Variants in ADAMTS19 observed in about 807,000 individuals in gnomAD.
ADAMTS19 encodes the protein A disintegrin and metalloproteinase with thrombospondin motifs 19.
In ADAMTS19, 93 loss-of-function variants were observed where a neutral mutation model predicts 153.3. That is an observed-to-expected ratio of 0.61 (90% CI 0.51 to 0.72). ADAMTS19 has a LOEUF of 0.72. Among genes scored for constraint, ADAMTS19 ranks in the 30% least tolerant of loss-of-function variants. The pLI, the probability that ADAMTS19 is intolerant of heterozygous loss-of-function variation, is 0.00. For missense variants in ADAMTS19, 1,482 were observed against 1,552.1 expected (o/e 0.95, Z 0.76); for synonymous variants, 600 against 556.6 (o/e 1.08, Z -1.10).
chr5:129,525,143 G>C (rs1188940597), intron 3 of ADAMTS19, among the ~76,000 whole-genome samples: 1 of 152,046 alleles, frequency 6.6e-6, no homozygotes, highest in Non-Finnish European at 1.5e-5. Context: ...CATGCGATTT[G>C]TATGCATTTC....
At position 129,460,453 on chromosome 5, in the gene ADAMTS19, T is replaced by A. The variant is rs1350340728; in HGVS notation, c.62T>A (p.Leu21Gln). 1.9e-6 allele frequency: 3 copies of A among 1,613,982 alleles called. No homozygotes were observed. The highest frequency in any genetic ancestry group is 1.7e-5 in the Admixed American group (1 of 60,002). The change falls in exon 1 of 23, where the codon CTG becomes CAG. Residue 21 changes from leucine (L) to glutamine (Q), a missense_variant. Coordinates refer to ENST00000274487, the MANE Select transcript of ADAMTS19 (RefSeq NM_133638.6). ...TGCTGCTGCTGCCTCCTTTACCAGC[T>A]GGGGTTCCTGTCGAATGGGATCGTT... Reference protein sequence around the residue: ...HICCCCLLYQLGFLSNGIVSE... With the variant: ...HICCCCLLYQQGFLSNGIVSE...
In ADAMTS19 at chr5:129,653,339, A is replaced by G. The variant is rs189447532; in HGVS notation, c.2177-967A>G. ...AATTGCTCTGACGTTTCAGATTTGGATAATAGTATTACTAGTGTTACCAAA... is the reference window on the plus strand; with the variant it reads ...AATTGCTCTGACGTTTCAGATTTGGGTAATAGTATTACTAGTGTTACCAAA... On this transcript the variant is annotated intron_variant, in intron 13 of 22. Transcript: ENST00000274487. 7.0e-4 allele frequency among the ~76,000 whole-genome samples: 107 copies of G among 152,332 alleles called. 1 individual carries two copies. The highest frequency in any genetic ancestry group is 7.5e-4 in the Non-Finnish European group (51 of 68,028).
At chr5:129,487,755 A>G (rs148234460) in intron 2 of ADAMTS19, among the ~76,000 whole-genome samples, 1 of 152,194 alleles carries the variant, frequency 6.6e-6, no homozygotes, top group East Asian at 1.9e-4. Context: ...TTTTTTCTAT[A>G]CATAATTAGT....
intron 8 of ADAMTS19, among the ~76,000 whole-genome samples, chr5:129,604,637 T>C (rs888727139): frequency 6.6e-6 from 1 of 152,228 alleles, no homozygotes; most frequent in African/African-American, 2.4e-5. Context: ...AGTGAATGAC[T>C]GAACATAGTA....
At chr5:129,735,242 C>A in intron 22 of ADAMTS19, 133 bp downstream of exon 22, 2 of 904,202 alleles carry the variant, frequency 2.2e-6, no homozygotes, top group South Asian at 3.8e-5. Context: ...TAAATTGGAT[C>A]CATTTAAATA....
At chr5:129,543,969 G>T (rs530075997) in intron 6 of ADAMTS19, among the ~76,000 whole-genome samples, 51 of 150,660 alleles carry the variant, frequency 3.4e-4, no homozygotes, top group Middle Eastern at 3.4e-3. Flanking sequence ...GTATTGAAAA[G>T]ATATTATTTA....
chr5:129,639,427 G>C (rs1487671005), intron 10 of ADAMTS19, among the ~76,000 whole-genome samples: 1 of 152,156 alleles, frequency 6.6e-6, no homozygotes, highest in African/African-American at 2.4e-5. Context: ...TTTACCATAA[G>C]ATCCCTAGAC....
rs114989900 is a variant in ADAMTS19 at position 129,619,052 on chromosome 5, T to G, written c.1479-1566T>G. On this transcript the variant is annotated intron_variant, in intron 8 of 22. Transcript: ENST00000274487. ...AATCCTATGTTGTTTCCAGAAGAGATAGTACAAATGGGTGAGGTAGGGGAT... is the reference window on the plus strand; with the variant it reads ...AATCCTATGTTGTTTCCAGAAGAGAGAGTACAAATGGGTGAGGTAGGGGAT... 9.4e-3 allele frequency among the ~76,000 whole-genome samples: 1,432 copies of G among 152,098 alleles called. 9 individuals are homozygous for G. The highest frequency in any genetic ancestry group is 0.024 in the Middle Eastern group (7 of 294).
At chr5:129,658,351 A>AGAGAGAGAGAGAGAGAGAG (rs1554103337) in intron 14 of ADAMTS19, among the ~76,000 whole-genome samples, 6 of 133,140 alleles carry the variant, frequency 4.5e-5, no homozygotes, top group Admixed American at 7.3e-5. Flanking sequence ...GAAAGAAAGA[A>AGAGAGAGAGAGAGAGAGAG]AGAAAGAAAG....
At position 129,738,080 on chromosome 5, in the gene ADAMTS19, T is replaced by C. The variant is rs191360492; in HGVS notation, c.*862T>C. On this transcript the variant is annotated 3_prime_UTR_variant, in exon 23 of 23. Coordinates refer to ENST00000274487, the MANE Select transcript of ADAMTS19 (RefSeq NM_133638.6). ...TCTTTTTAGCAGATTTATTAAAGAG[T>C]ATAGTACTTAGCCTCACGAATCATA... The C allele has an allele frequency of 6.6e-6, 1 of 152,610 alleles. No homozygotes were observed. Among genetic ancestry groups the C allele is most frequent in the African/African-American group, 2.4e-5 (1 of 41,552 alleles). The allele number at this position is 152,610 out of a possible 1,614,324, so 9.5% of individuals were successfully genotyped here.
intron 21 of ADAMTS19, among the ~76,000 whole-genome samples, chr5:129,726,293 ACT>A (rs1444059495): frequency 3.3e-5 from 5 of 152,042 alleles, no homozygotes; most frequent in African/African-American, 1.2e-4. Flanking sequence ...ACAATACAAG[ACT>A]CTCTTTTTAA....
At chr5:129,554,013 T>C (rs1330027819) in intron 7 of ADAMTS19, among the ~76,000 whole-genome samples, 1 of 152,078 alleles carries the variant, frequency 6.6e-6, no homozygotes, top group Non-Finnish European at 1.5e-5. Flanking sequence ...AAAAGTAATA[T>C]AGTATAACCA....
At chr5:129,489,767 G>A (rs1410593678) in intron 2 of ADAMTS19, among the ~76,000 whole-genome samples, 1 of 152,040 alleles carries the variant, frequency 6.6e-6, no homozygotes, top group African/African-American at 2.4e-5. Flanking sequence ...TCAAATCCAA[G>A]CTCCTCAAGT....
intron 8 of ADAMTS19, among the ~76,000 whole-genome samples, chr5:129,612,220 G>A (rs746523186): frequency 6.1e-5 from 9 of 147,088 alleles, no homozygotes; most frequent in African/African-American, 1.8e-4. Context: ...GAGAACATAC[G>A]GTGTTTGGTT....
intron 11 of ADAMTS19, among the ~76,000 whole-genome samples, chr5:129,645,883 CA>C (rs1387863105): frequency 5.7e-5 from 7 of 123,890 alleles, no homozygotes; most frequent in African/African-American, 2.3e-4. Context: ...TCTCCTTTTC[CA>C]ATTTTTTTTT....
At chr5:129,522,565 T>C (rs1325155929) in intron 3 of ADAMTS19, among the ~76,000 whole-genome samples, 1 of 151,732 alleles carries the variant, frequency 6.6e-6, no homozygotes, top group African/African-American at 2.4e-5. Context: ...TTATACATGA[T>C]ATTTGAGTAA....
intron 20 of ADAMTS19, among the ~76,000 whole-genome samples, chr5:129,702,941 A>AAAATATATATAT: frequency 3.8e-4 from 11 of 29,306 alleles, no homozygotes; most frequent in African/African-American, 9.4e-4. Context: ...AAAAAAAAAA[A>AAAATATATATAT]ATATATATAT....
intron 7 of ADAMTS19, among the ~76,000 whole-genome samples, chr5:129,553,947 T>C (rs1395985316): frequency 6.6e-6 from 1 of 152,028 alleles, no homozygotes; most frequent in Non-Finnish European, 1.5e-5. Context: ...TTCAAAAATA[T>C]TTTGTCTAAA....
At chr5:129,517,596 T>C (rs1179759671) in intron 3 of ADAMTS19, among the ~76,000 whole-genome samples, 1 of 151,988 alleles carries the variant, frequency 6.6e-6, no homozygotes. Context: ...GATATAAATA[T>C]AGCAACTCCT....
Sources: allele counts gnomAD v4.1 joint callset (sites outside exome capture counted in the v4.1 genomes callset), GRCh38; gene constraint gnomAD v4.1.1; transcripts MANE v1.5; gene names NCBI Gene and HGNC (gene_info 2026-07-23, HGNC 2026-07-21).